Variants in WDR19 observed in about 807,000 individuals in gnomAD.
WDR19 encodes WD repeat-containing protein 19.
In WDR19, 121 loss-of-function variants were observed where a neutral mutation model predicts 180.0. That is an observed-to-expected ratio of 0.67 (90% CI 0.58 to 0.78). The LOEUF (loss-of-function observed/expected upper bound fraction) is 0.78. WDR19 is among the 30% of genes least tolerant of loss of function. WDR19 has a pLI of 0.00. For missense variants in WDR19, 1,450 were observed against 1,640.7 expected, an observed-to-expected ratio of 0.88 and a Z score of 2.01; for synonymous variants, 497 against 540.7, an observed-to-expected ratio of 0.92 and a Z score of 1.12.
At chr4:39,245,848 C>A (rs56350503) in intron 24 of WDR19, among the ~76,000 whole-genome samples, 19,682 of 152,198 alleles carry the variant, frequency 0.13, 1,496 homozygotes, top group South Asian at 0.19. Flanking sequence ...CATATGGCTG[C>A]TTGTTTAAGC....
At chr4:39,268,122 C>G in intron 30 of WDR19, 31 bp downstream of exon 30, 1 of 1,527,086 alleles carries the variant, frequency 6.5e-7, no homozygotes, top group Non-Finnish European at 8.9e-7. Flanking sequence ...TGTTACTTCC[C>G]AAGCAGGCAG....
intron 36 of WDR19, among the ~76,000 whole-genome samples, chr4:39,280,598 T>C (rs971029484): frequency 6.6e-6 from 1 of 151,986 alleles, no homozygotes; most frequent in Non-Finnish European, 1.5e-5. Context: ...GAGGCTGAAG[T>C]GAGCTGTGAT....
chr4:39,277,969 G>T (rs896005679), intron 34 of WDR19, among the ~76,000 whole-genome samples, 162 bp from the exon 35 acceptor site: 1 of 151,604 alleles, frequency 6.6e-6, no homozygotes, highest in African/African-American at 2.4e-5. Context: ...CAGAAGAATC[G>T]CTTGAACCCA....
intron 5 of WDR19, 56 bp downstream of exon 5, chr4:39,194,715 A>T (rs1216195284): frequency 7.5e-7 from 1 of 1,340,550 alleles, no homozygotes; most frequent in Non-Finnish European, 1.0e-6. Flanking sequence ...CTCAATGTAA[A>T]TTCTGCCGCC....
In WDR19 at chr4:39,283,206, G is replaced by GT. The variant is rs563612436; in HGVS notation, c.*14-2275dup. Among the ~76,000 whole-genome samples the GT allele has an allele frequency of 9.9e-5, 15 of 152,158 alleles. No homozygotes were observed. The East Asian group carries it at 2.5e-3, about 25-fold the overall frequency. On this transcript the variant is annotated intron_variant, in intron 36 of 36. Coordinates refer to ENST00000399820, the MANE Select transcript of WDR19 (RefSeq NM_025132.4). Reference sequence around the variant, plus strand: ...TTTCTCTATCAATTGAGATGATATGGTTTTTTCTCTTTAATCCATTTATAT... The same window carrying GT: ...TTTCTCTATCAATTGAGATGATATGGTTTTTTTCTCTTTAATCCATTTATAT...
chr4:39,257,379 T>G, intron 27 of WDR19, 107 bp from the exon 28 acceptor site: 1 of 1,035,210 alleles, frequency 9.7e-7, no homozygotes, highest in Non-Finnish European at 1.4e-6. Context: ...GAGATGAAGA[T>G]ACTTTCACAG....
intron 1 of WDR19, among the ~76,000 whole-genome samples, chr4:39,183,486 T>C (rs1451999242): frequency 6.6e-6 from 1 of 152,090 alleles, no homozygotes; most frequent in African/African-American, 2.4e-5. Context: ...CCTGACCTCA[T>C]GATCCCCCGA....
At chr4:39,250,259 A>C (rs1242092504) in intron 24 of WDR19, among the ~76,000 whole-genome samples, 2 of 152,218 alleles carry the variant, frequency 1.3e-5, no homozygotes, top group East Asian at 1.9e-4. Flanking sequence ...CAAAAACCAC[A>C]TGACTATCTC....
chr4:39,234,672 G>GC (rs1333875863), intron 19 of WDR19, 94 bp from the exon 20 acceptor site: 2 of 765,552 alleles, frequency 2.6e-6, no homozygotes, highest in Non-Finnish European at 4.6e-6. Flanking sequence ...AAACAAAAAG[G>GC]TTTTGTAATT....
At chr4:39,206,038 T>A (rs1332702835) in intron 9 of WDR19, 1 of 192,346 alleles carries the variant, frequency 5.2e-6, no homozygotes, top group Non-Finnish European at 1.1e-5. Context: ...ATTTAAGGAC[T>A]CTGAAAAGTA....
chr4:39,205,021 A>G (rs1727799396), intron 7 of WDR19, 133 bp from the exon 8 acceptor site: 1 of 614,638 alleles, frequency 1.6e-6, no homozygotes, highest in African/African-American at 1.9e-5. Flanking sequence ...ATATTGTACT[A>G]GTTACAGCAT....
intron 36 of WDR19, among the ~76,000 whole-genome samples, chr4:39,283,911 G>A (rs1736853206): frequency 6.6e-6 from 1 of 151,976 alleles, no homozygotes; most frequent in South Asian, 2.1e-4. Context: ...GAATTCTGAG[G>A]TTTTCTTAAA....
At chr4:39,254,413 T>G (rs1489193776) in intron 26 of WDR19, among the ~76,000 whole-genome samples, 1 of 152,174 alleles carries the variant, frequency 6.6e-6, no homozygotes, top group East Asian at 1.9e-4. Flanking sequence ...AGTTACAAAT[T>G]AAGAAAAATG....
At chr4:39,183,443 G>A (rs1471815887) in intron 1 of WDR19, among the ~76,000 whole-genome samples, 1 of 151,860 alleles carries the variant, frequency 6.6e-6, no homozygotes, top group Non-Finnish European at 1.5e-5. Flanking sequence ...TAGAGATGGG[G>A]TTTCACCGTG....
intron 2 of WDR19, 61 bp from the exon 3 acceptor site, chr4:39,186,478 C>CAAAAAA (rs71192831): frequency 2.1e-4 from 77 of 363,476 alleles, no homozygotes; most frequent in South Asian, 5.7e-4. Flanking sequence ...GACTCTGTCT[C>CAAAAAA]AAAAAAAAAA....
chr4:39,188,470 T>C (rs1487167812), intron 3 of WDR19, among the ~76,000 whole-genome samples: 2 of 151,798 alleles, frequency 1.3e-5, no homozygotes, highest in Non-Finnish European at 2.9e-5. Context: ...ATCCCAGTAC[T>C]TTAGGAGACT....
At chr4:39,201,461 G>A (rs1368506928) in intron 6 of WDR19, among the ~76,000 whole-genome samples, 1 of 152,154 alleles carries the variant, frequency 6.6e-6, no homozygotes, top group Non-Finnish European at 1.5e-5. Context: ...TTAGTAGATA[G>A]TGCAAAACAT....
chr4:39,238,831 GT>G (rs1371115031), intron 20 of WDR19, among the ~76,000 whole-genome samples: 14 of 152,124 alleles, frequency 9.2e-5, no homozygotes, highest in Admixed American at 3.3e-4. Context: ...GGAGAAGATG[GT>G]TTCTTAGAGG....
At chr4:39,240,951 AT>A (rs1731881427) in intron 21 of WDR19, among the ~76,000 whole-genome samples, 2 of 117,808 alleles carry the variant, frequency 1.7e-5, no homozygotes, top group Non-Finnish European at 4.0e-5. Flanking sequence ...GCGAGACTCC[AT>A]CTCAAAAAAA....
Sources: gnomAD v4.1 joint callset for allele counts (sites outside exome capture counted in the v4.1 genomes callset) on GRCh38, gnomAD v4.1.1 for gene constraint, MANE v1.5 for transcripts, NCBI Gene and HGNC (gene_info 2026-07-23, HGNC 2026-07-21) for gene names.